The following GALNT2 variants were observed in gnomAD, a reference collection of about 807,000 sequenced individuals.
GALNT2 encodes the protein polypeptide N-acetylgalactosaminyltransferase 2.
A neutral mutation model predicts 81.4 loss-of-function variants in GALNT2; 31 were observed. That is an observed-to-expected ratio of 0.38 (90% CI 0.29 to 0.51). The LOEUF (loss-of-function observed/expected upper bound fraction) is 0.51. GALNT2 is among the 20% of genes least tolerant of loss of function. GALNT2 has a pLI of 0.87. For synonymous variants in GALNT2, 303 were observed against 287.4 expected, an observed-to-expected ratio of 1.05 and a Z score of -0.55; for missense variants, 629 against 765.7, an observed-to-expected ratio of 0.82 and a Z score of 2.11.
At chr1:230,262,876 T>C in intron 12 of GALNT2, 46 bp from the exon 13 acceptor site, 1 of 1,565,516 alleles carries the variant, frequency 6.4e-7, no homozygotes, top group African/African-American at 1.4e-5. Flanking sequence ...AGAAAGCCCA[T>C]CTATTCTTAA....
chr1:230,182,166 A>T, intron 2 of GALNT2, among the ~76,000 whole-genome samples: 1 of 147,462 alleles, frequency 6.8e-6, no homozygotes, highest in African/African-American at 2.5e-5. Context: ...GATTTTATTG[A>T]TATTTTGAGA....
chr1:230,084,441 CAA>C (rs59905327), intron 1 of GALNT2, among the ~76,000 whole-genome samples: 2,768 of 152,094 alleles, frequency 0.018, 86 homozygotes, highest in African/African-American at 0.063. Flanking sequence ...TCTGGGCAAC[CAA>C]AGGAGGAGGG....
intron 2 of GALNT2, among the ~76,000 whole-genome samples, chr1:230,179,739 G>A (rs143313350): frequency 9.2e-5 from 14 of 152,216 alleles, no homozygotes; most frequent in African/African-American, 3.4e-4. Context: ...CTCCTAGTCT[G>A]TGGCCTGTCT....
At position 230,257,141 on chromosome 1, in the gene GALNT2, A is replaced by T. The variant is rs974203765; in HGVS notation, c.1136+1797A>T. Reference sequence around the variant, plus strand: ...CCCGGGCCATGCACCTTTGCAGGTCATGGGAAACGTTGGATGTTATTTGAT... The same window carrying T: ...CCCGGGCCATGCACCTTTGCAGGTCTTGGGAAACGTTGGATGTTATTTGAT... On this transcript the variant is annotated intron_variant, in intron 11 of 15. Coordinates refer to ENST00000366672, the MANE Select transcript of GALNT2 (RefSeq NM_004481.5). This position sits in a 1 kb window ranked among gnomAD's most constrained non-coding sequence, Gnocchi z 4.6. Among the ~76,000 whole-genome samples, 5 of 152,246 alleles carry T rather than the reference A, an allele frequency of 3.3e-5. No individual in the cohort carries two copies. The highest frequency in any genetic ancestry group is 1.2e-4 in the African/African-American group (5 of 41,476).
intron 11 of GALNT2, chr1:230,262,354 C>T: frequency 2.0e-6 from 1 of 507,376 alleles, no homozygotes; most frequent in South Asian, 3.5e-5. Flanking sequence ...GAAAGCCATT[C>T]CAATGGTTCA....
At chr1:230,210,944 AG>A (rs1664214210) in intron 3 of GALNT2, among the ~76,000 whole-genome samples, 1 of 152,224 alleles carries the variant, frequency 6.6e-6, no homozygotes, top group Admixed American at 6.5e-5. Context: ...AGCCAAGTGA[AG>A]GTTTTCAGCA....
At chr1:230,214,380 G>A (rs569256630) in intron 3 of GALNT2, among the ~76,000 whole-genome samples, 2 of 152,264 alleles carry the variant, frequency 1.3e-5, no homozygotes, top group South Asian at 2.1e-4. Flanking sequence ...CCAAAGTGCT[G>A]GGATTACAGG....
chr1:230,241,506 G>A (rs925810082), intron 6 of GALNT2, among the ~76,000 whole-genome samples: 4 of 152,028 alleles, frequency 2.6e-5, no homozygotes, highest in Non-Finnish European at 4.4e-5. Context: ...GAGTGCAGTG[G>A]TGTGATCTCA....
intron 2 of GALNT2, among the ~76,000 whole-genome samples, chr1:230,191,355 C>T (rs573533047): frequency 6.6e-6 from 1 of 152,296 alleles, no homozygotes; most frequent in African/African-American, 2.4e-5. Flanking sequence ...TGTGCAGTAA[C>T]TGTGGATGTT....
chr1:230,171,402 G>C (rs555736333), intron 1 of GALNT2, among the ~76,000 whole-genome samples: 17 of 152,256 alleles, frequency 1.1e-4, no homozygotes, highest in African/African-American at 3.9e-4. Context: ...AAAACTTGAG[G>C]GTTGCTGTGT....
intron 1 of GALNT2, chr1:230,092,176 G>GTTTTTTTTTGT (rs762299242): frequency 7.1e-5 from 3 of 42,256 alleles, no homozygotes; most frequent in African/African-American, 1.1e-4. Flanking sequence ...TATTCCTTTA[G>GTTTTTTTTTGT]TTTTTTTTTT....
At chr1:230,145,059 T>C (rs1661871384) in intron 1 of GALNT2, among the ~76,000 whole-genome samples, 1 of 152,134 alleles carries the variant, frequency 6.6e-6, no homozygotes, top group African/African-American at 2.4e-5. Context: ...CGATGGCCAC[T>C]CCAGAGCTGC....
intron 2 of GALNT2, among the ~76,000 whole-genome samples, chr1:230,182,954 G>A (rs1663206752): frequency 6.6e-6 from 1 of 152,072 alleles, no homozygotes; most frequent in South Asian, 2.1e-4. Context: ...TACACATTAA[G>A]GATTGTTGTA....
intron 3 of GALNT2, among the ~76,000 whole-genome samples, chr1:230,216,951 T>G (rs1262677472): frequency 6.6e-6 from 1 of 152,340 alleles, no homozygotes; most frequent in Admixed American, 6.5e-5. Context: ...ATATTGTACT[T>G]GGATTTAAAG....
chr1:230,237,095 C>T (rs544948169), intron 6 of GALNT2, among the ~76,000 whole-genome samples: 3 of 152,242 alleles, frequency 2.0e-5, no homozygotes, highest in East Asian at 1.9e-4. Flanking sequence ...ATAAAATAAC[C>T]GGGATTCAAG....
intron 2 of GALNT2, among the ~76,000 whole-genome samples, chr1:230,188,536 A>G (rs991643701): frequency 1.3e-5 from 2 of 152,214 alleles, no homozygotes; most frequent in Admixed American, 6.5e-5. Flanking sequence ...TCTTGCTCTA[A>G]AACTCTTTGA....
In GALNT2 at chr1:230,092,185, T is replaced by TGTTTTTTTTTGTTG. The variant is rs371156205; in HGVS notation, c.126+24779_126+24780insGTTTTTTTTTGTTG. On this transcript the variant is annotated intron_variant, in intron 1 of 15. Transcript: ENST00000366672. ...ACCTTATATTCCTTTAGTTTTTTTT[T>TGTTTTTTTTTGTTG]TTTTTTTTTTTGCACTGATCTTTCT... Among the ~76,000 whole-genome samples, 3 of 114,286 alleles carry TGTTTTTTTTTGTTG rather than the reference T, an allele frequency of 2.6e-5. No homozygotes were observed. In the East Asian group the frequency reaches 7.1e-4, roughly 27 times the overall value. 75.0% of individuals were successfully genotyped at this position (114,286 alleles called of 152,430 possible).
chr1:230,121,186 A>G (rs1409721436), intron 1 of GALNT2, among the ~76,000 whole-genome samples: 1 of 152,200 alleles, frequency 6.6e-6, no homozygotes, highest in Non-Finnish European at 1.5e-5. Context: ...GGTCACTTCC[A>G]GCTCTTTCCT....
At position 230,187,316 on chromosome 1, in the gene GALNT2, A is replaced by G. The variant is rs576890705; in HGVS notation, c.220+9005A>G. ...TTAGGAATTACATGCATATTGCCGTACAGATTTATTGATACATTCTAAATG... is the reference window on the plus strand; with the variant it reads ...TTAGGAATTACATGCATATTGCCGTGCAGATTTATTGATACATTCTAAATG... On this transcript the variant is annotated intron_variant, in intron 2 of 15. Transcript: ENST00000366672. Among the ~76,000 whole-genome samples the G allele has an allele frequency of 1.1e-4, 16 of 152,374 alleles. No individual in the cohort carries two copies. In the South Asian group the frequency reaches 2.9e-3, roughly 28 times the overall value.
Sources: allele counts gnomAD v4.1 joint callset (sites outside exome capture counted in the v4.1 genomes callset), GRCh38; gene constraint gnomAD v4.1.1; non-coding constraint Gnocchi (gnomAD v3.1); transcripts MANE v1.5; gene names NCBI Gene and HGNC (gene_info 2026-07-23, HGNC 2026-07-21).